Variants in RIC1 observed in about 807,000 individuals in gnomAD.
RIC1 encodes the protein RIC1 partner of RAB6A GEF complex.
Under a neutral mutation model 169.0 loss-of-function variants are expected in RIC1, and 88 were observed. The ratio of observed to expected loss-of-function variants is 0.52; its 90% confidence interval spans 0.44 to 0.62. The LOEUF (loss-of-function observed/expected upper bound fraction) is 0.62. Among genes scored for constraint, RIC1 ranks in the 20% least tolerant of loss-of-function variants. The pLI, the probability that RIC1 is intolerant of heterozygous loss-of-function variation, is 0.00. For synonymous variants in RIC1, 790 were observed against 601.5 expected (o/e 1.31, Z -4.59); for missense variants, 1,877 against 1,725.5 (o/e 1.09, Z -1.56).
At chr9:5,695,048 C>T (rs1351115537) in intron 3 of RIC1, among the ~76,000 whole-genome samples, 1 of 151,990 alleles carries the variant, frequency 6.6e-6, no homozygotes, top group Non-Finnish European at 1.5e-5. Flanking sequence ...GTTAGGTGAT[C>T]CACTCTATGG....
Position 5,743,751 on chromosome 9 carries a change from A to G in RIC1, c.1095+14A>G, listed in dbSNP as rs371228031. The G allele has an allele frequency of 8.8e-6, 14 of 1,589,138 alleles. No homozygotes were observed. The highest frequency in any genetic ancestry group is 6.8e-5 in the South Asian group (6 of 88,022). ...ATCAACTCTATGGTAAGTACTTTCT[A>G]TAAAAAATTGGCATGGTATTAAAAA... On this transcript the variant is annotated intron_variant, in intron 10 of 25. Coordinates refer to ENST00000414202, the MANE Select transcript of RIC1 (RefSeq NM_020829.4).
At chr9:5,746,539 A>T (rs1041336492) in intron 11 of RIC1, among the ~76,000 whole-genome samples, 7 of 152,138 alleles carry the variant, frequency 4.6e-5, no homozygotes, top group African/African-American at 1.7e-4. Context: ...ATTGTGCATC[A>T]TGAAAATCCA....
At chr9:5,672,010 T>A (rs1820136988) in intron 2 of RIC1, among the ~76,000 whole-genome samples, 1 of 152,212 alleles carries the variant, frequency 6.6e-6, no homozygotes, top group African/African-American at 2.4e-5. Context: ...TGCTGCGGAC[T>A]TAGAGTAGAG....
chr9:5,674,261 A>T (rs1424448176), intron 2 of RIC1, among the ~76,000 whole-genome samples: 2 of 150,054 alleles, frequency 1.3e-5, no homozygotes, highest in East Asian at 1.9e-4. Context: ...TGTCATTCAT[A>T]AAAAAAAAAT....
Position 5,757,164 on chromosome 9 carries a change from T to A in RIC1, c.1854-149T>A, listed in dbSNP as rs80237924. 1,897 of 897,738 alleles carry A rather than the reference T, an allele frequency of 2.1e-3. 33 individuals carry two copies. In the African/African-American group the frequency reaches 0.029, roughly 14 times the overall value. 55.6% of individuals were successfully genotyped at this position (897,738 alleles called of 1,614,324 possible). A position where few individuals can be genotyped will look rare whatever the true frequency, so the allele number is the denominator to read the frequency against. Reference sequence around the variant, plus strand: ...GTTCCCCTCAACCTTGCCAACTTCCTGATCGAAGGATATATGGGGAGAAGA... The same window carrying A: ...GTTCCCCTCAACCTTGCCAACTTCCAGATCGAAGGATATATGGGGAGAAGA... On this transcript the variant is annotated intron_variant, in intron 16 of 25. Transcript: ENST00000414202.
At chr9:5,762,227 C>T (rs956011056) in intron 17 of RIC1, among the ~76,000 whole-genome samples, 2 of 152,206 alleles carry the variant, frequency 1.3e-5, no homozygotes, top group Admixed American at 6.5e-5. Context: ...GTTGTTATGA[C>T]AGCTAGATCA....
intron 1 of RIC1, among the ~76,000 whole-genome samples, chr9:5,641,606 A>G (rs1818251269): frequency 1.3e-5 from 2 of 151,408 alleles, no homozygotes; most frequent in South Asian, 2.1e-4. Context: ...ACTGTTTTCT[A>G]TTCTTTTTTC....
Position 5,753,195 on chromosome 9 carries a change from T to A in RIC1, c.1453-5T>A. The stretch of plus-strand genomic sequence containing the variant: ...TTTACCAATCTGATGTGTTATTTTC[T>A]ATAGATTTCCAGCACCTATCTAGAG... On this transcript the variant is annotated splice_region_variant and splice_polypyrimidine_tract_variant and intron_variant, in intron 12 of 25. Transcript: ENST00000414202. 1 of 1,610,892 alleles carries A rather than the reference T, an allele frequency of 6.2e-7. No individual in the cohort carries two copies. Among genetic ancestry groups the A allele is most frequent in the Non-Finnish European group, 8.5e-7 (1 of 1,177,068 alleles).
At chr9:5,767,618 G>A (rs148711395) in intron 21 of RIC1, among the ~76,000 whole-genome samples, 146 of 151,916 alleles carry the variant, frequency 9.6e-4, no homozygotes, top group African/African-American at 3.1e-3. Context: ...ATGGAGTTTC[G>A]CTCTTGTTGC....
chr9:5,719,577 T>C (rs1823464729), intron 4 of RIC1: 1 of 152,280 alleles, frequency 6.6e-6, no homozygotes, highest in South Asian at 2.1e-4. Flanking sequence ...AAGAAATATA[T>C]TGGCCTGGAA....
At chr9:5,631,902 T>C (rs1586850380) in intron 1 of RIC1, among the ~76,000 whole-genome samples, 2 of 152,192 alleles carry the variant, frequency 1.3e-5, no homozygotes, top group South Asian at 2.1e-4. Flanking sequence ...ACAAACTTCA[T>C]TTAAAAGTGA....
At chr9:5,732,078 CAAG>C (rs1465580204) in intron 6 of RIC1, among the ~76,000 whole-genome samples, 1 of 152,132 alleles carries the variant, frequency 6.6e-6, no homozygotes, top group Non-Finnish European at 1.5e-5. Flanking sequence ...TACATTCTAA[CAAG>C]AAAGTCATCT....
At chr9:5,641,109 T>C (rs1255249480) in intron 1 of RIC1, among the ~76,000 whole-genome samples, 1 of 151,740 alleles carries the variant, frequency 6.6e-6, no homozygotes, top group Non-Finnish European at 1.5e-5. Context: ...TTTTTTTTTT[T>C]TGGACGGGGT....
At chr9:5,766,202 C>A (rs150318262) in intron 21 of RIC1, among the ~76,000 whole-genome samples, 2 of 152,102 alleles carry the variant, frequency 1.3e-5, no homozygotes, top group Admixed American at 6.6e-5. Context: ...CCACCACACT[C>A]GGCTAATTTT....
chr9:5,766,930 T>C (rs1826809022), intron 21 of RIC1, among the ~76,000 whole-genome samples: 1 of 152,212 alleles, frequency 6.6e-6, no homozygotes, highest in Non-Finnish European at 1.5e-5. Context: ...CTGTTTTCCA[T>C]AGCAGCTGTA....
Position 5,720,281 on chromosome 9 carries a change from T to A in RIC1, c.540T>A (p.Asn180Lys). 6.2e-7 allele frequency: 1 copy of A among 1,613,874 alleles called. No homozygotes were observed. Among genetic ancestry groups the A allele is most frequent in the East Asian group, 2.2e-5 (1 of 44,864 alleles). The change falls in exon 5 of 26, where the codon AAT (asparagine) becomes AAA (lysine). Residue 180 changes from asparagine to lysine, a missense_variant. Asn to Lys is a moderately conservative substitution (Grantham distance 94). This residue lies in a region of RIC1 where 1,104 missense variants were observed against 992.0 expected (regional missense o/e 1.11). Transcript: ENST00000414202. Reference protein sequence around the residue: ...EGMTNGRKAINLCTVPFSVDL... With the variant: ...EGMTNGRKAIKLCTVPFSVDL... ...TGACAAATGGAAGGAAAGCCATTAA[T>A]CTTTGCACAGTACCCTTTTCAGTAG...
At chr9:5,747,740 C>T (rs1457101823) in intron 12 of RIC1, among the ~76,000 whole-genome samples, 1 of 152,170 alleles carries the variant, frequency 6.6e-6, no homozygotes, top group Admixed American at 6.6e-5. Flanking sequence ...ATGTCAAGAA[C>T]TAGAAGTTTA....
chr9:5,741,843 G>A (rs1000727467), intron 8 of RIC1, among the ~76,000 whole-genome samples: 1 of 152,276 alleles, frequency 6.6e-6, no homozygotes, highest in Middle Eastern at 3.4e-3. Context: ...TTGACTGAGA[G>A]CCGATTGTTT....
rs763887936 is a variant in RIC1 at position 5,765,423 on chromosome 9, G to A, written c.2851G>A (p.Val951Ile). The change falls in exon 20 of 26, where the codon GTC (valine) becomes ATC (isoleucine). Residue 951 changes from valine (V) to isoleucine (I), a missense_variant. By Grantham distance (29) the Val-to-Ile change is conservative (BLOSUM62 3). Around this residue, in one of 3 missense-constraint regions of RIC1, gnomAD observed 681 missense variants for 582.0 expected, o/e 1.17. Coordinates refer to ENST00000414202, the MANE Select transcript of RIC1 (RefSeq NM_020829.4). ...TGGTTGTTTTTTGTAGAATATGGAAGTCCCTGCAGTAAGTAGGCAACATGC... is the reference window on the plus strand; with the variant it reads ...TGGTTGTTTTTTGTAGAATATGGAAATCCCTGCAGTAAGTAGGCAACATGC... ...SYLIILQNME[V>I]PAVSRQHATL... The A allele has an allele frequency of 1.2e-6, 2 of 1,613,070 alleles. No individual in the cohort carries two copies. The highest frequency in any genetic ancestry group is 2.7e-5 in the African/African-American group (2 of 74,972).
Sources: gnomAD v4.1 joint callset for allele counts (sites outside exome capture counted in the v4.1 genomes callset) on GRCh38, gnomAD v4.1.1 for gene constraint, gnomAD v4.1.1 regional missense constraint, MANE v1.5 for transcripts, NCBI Gene and HGNC (gene_info 2026-07-23, HGNC 2026-07-21) for gene names.